CHUK: variants seen among roughly 807,000 people sequenced by gnomAD.
CHUK encodes the protein inhibitor of nuclear factor kappa-B kinase subunit alpha.
In CHUK, 35 loss-of-function variants were observed where a neutral mutation model predicts 104.8. That is an observed-to-expected ratio of 0.33 (90% confidence interval 0.26 to 0.44). The LOEUF is 0.44. CHUK is among the 20% of genes least tolerant of loss of function. The pLI is 1.00. For missense variants in CHUK, 663 were observed against 902.7 expected, an observed-to-expected ratio of 0.73 and a Z score of 3.40; for synonymous variants, 276 against 291.9, an observed-to-expected ratio of 0.95 and a Z score of 0.56.
chr10:100,193,562 A>C, intron 18 of CHUK, 131 bp from the exon 19 acceptor site: 1 of 1,086,066 alleles, frequency 9.2e-7, no homozygotes, highest in Non-Finnish European at 1.4e-6. Flanking sequence ...ATTTCAGTAC[A>C]AAACTATTCC....
chr10:100,204,419 AAAC>A (rs1845541313), intron 13 of CHUK, 84 bp downstream of exon 13: 2 of 1,075,570 alleles, frequency 1.9e-6, no homozygotes, highest in Non-Finnish European at 2.9e-6. Context: ...AAGGTAAGTA[AAAC>A]AACTGGCTGA....
chr10:100,225,450 A>G (rs942874384), intron 2 of CHUK, among the ~76,000 whole-genome samples: 1 of 152,196 alleles, frequency 6.6e-6, no homozygotes, highest in African/African-American at 2.4e-5. Context: ...TTAAGGCTGC[A>G]TGATATTCCG....
At position 100,218,844 on chromosome 10, in the gene CHUK, C is replaced by A; in HGVS notation, c.690-19G>T. 6.3e-7 allele frequency: 1 copy of A among 1,581,348 alleles called. No homozygotes were observed. Among genetic ancestry groups the A allele is most frequent in the Non-Finnish European group, 8.7e-7 (1 of 1,150,346 alleles). On this transcript the variant is annotated intron_variant, in intron 7 of 20. Transcript: ENST00000370397. ...CTCATGCCTATAAAATCAAAAGCTA[C>A]CTCAGTTGACAAAGTGATTCTCACA...
intron 9 of CHUK, among the ~76,000 whole-genome samples, chr10:100,213,503 A>AAC (rs146536701): frequency 6.6e-6 from 1 of 151,268 alleles, no homozygotes; most frequent in African/African-American, 2.4e-5. Context: ...AAAAAAAAAA[A>AAC]TTAAAAGCGT....
chr10:100,227,647 C>A (rs17882749), intron 1 of CHUK, among the ~76,000 whole-genome samples: 174 of 152,126 alleles, frequency 1.1e-3, no homozygotes, highest in African/African-American at 4.0e-3. Context: ...TAGTCCTTCA[C>A]CTTCCATTCT....
intron 9 of CHUK, among the ~76,000 whole-genome samples, chr10:100,214,462 G>A (rs1277334156): frequency 2.0e-5 from 3 of 152,166 alleles, no homozygotes; most frequent in Admixed American, 2.0e-4. Flanking sequence ...GTAGGAAGCA[G>A]GCACTTCATA....
intron 9 of CHUK, among the ~76,000 whole-genome samples, chr10:100,210,424 G>A (rs998921416): frequency 2.6e-5 from 4 of 152,090 alleles, no homozygotes; most frequent in East Asian, 1.9e-4. Context: ...ATCATAGACC[G>A]AAAAGGAAAC....
chr10:100,191,480 C>T (rs1025813478), intron 19 of CHUK, among the ~76,000 whole-genome samples: 2 of 152,100 alleles, frequency 1.3e-5, no homozygotes, highest in East Asian at 1.9e-4. Flanking sequence ...AGCAATGAAA[C>T]GAAACAAGCA....
chr10:100,223,350 C>G (rs1167893389), intron 2 of CHUK, among the ~76,000 whole-genome samples: 1 of 152,132 alleles, frequency 6.6e-6, no homozygotes, highest in Non-Finnish European at 1.5e-5. Flanking sequence ...TAAGTCAAAT[C>G]TGGCGTTCTA....
chr10:100,209,555 A>T (rs1156312699), intron 10 of CHUK, 40 bp downstream of exon 10: 1 of 1,274,932 alleles, frequency 7.8e-7, no homozygotes, highest in East Asian at 2.3e-5. Context: ...ATCCCTCTAG[A>T]TTTCACATAC....
intron 17 of CHUK, 51 bp downstream of exon 17, chr10:100,194,374 C>T: frequency 1.5e-6 from 2 of 1,336,226 alleles, no homozygotes; most frequent in Non-Finnish European, 2.2e-6. Flanking sequence ...TTGAGAGGAA[C>T]AAGATAAACG....
chr10:100,221,915 C>T (rs559838904), intron 4 of CHUK, among the ~76,000 whole-genome samples, 197 bp downstream of exon 4: 1 of 152,280 alleles, frequency 6.6e-6, no homozygotes, highest in South Asian at 2.1e-4. Context: ...GGATTACAGG[C>T]GTGAGCCACC....
chr10:100,214,558 G>A (rs1589592718), intron 9 of CHUK, among the ~76,000 whole-genome samples: 1 of 152,328 alleles, frequency 6.6e-6, no homozygotes, highest in Middle Eastern at 3.4e-3. Context: ...AGAAAACAAG[G>A]TGAGCAGAAG....
chr10:100,228,993 GCACACACACA>G (rs59218517), intron 1 of CHUK, among the ~76,000 whole-genome samples: 13 of 133,464 alleles, frequency 9.7e-5, no homozygotes, highest in Admixed American at 5.7e-4. Flanking sequence ...GCGCGCGCGC[GCACACACACA>G]CACACACACA....
At chr10:100,222,777 T>C (rs1846019813) in intron 3 of CHUK, 89 bp downstream of exon 3, 1 of 749,894 alleles carries the variant, frequency 1.3e-6, no homozygotes. Flanking sequence ...GTTTTTCCGA[T>C]TCTTATTCTA....
Position 100,194,102 on chromosome 10 carries a change from A to G in CHUK, c.1856T>C (p.Ile619Thr), listed in dbSNP as rs1845268469. 5.6e-6 allele frequency: 9 copies of G among 1,613,646 alleles called. No homozygotes were observed. The highest frequency in any genetic ancestry group is 1.3e-5 in the African/African-American group (1 of 74,904). ...SKLLGCKQKI[I>T]DLLPKVEVAL... The stretch of plus-strand genomic sequence containing the variant: ...CACTTCCACCTTAGGGAGTAGATCA[A>G]TAATCTTCTGCTTACAGCCCAACAA... The change falls in exon 18 of 21, where the codon ATT becomes ACT. Residue 619 changes from isoleucine (I) to threonine (T), a missense_variant. Coordinates refer to ENST00000370397, the MANE Select transcript of CHUK (RefSeq NM_001278.5).
At chr10:100,202,352 T>G (rs1845483176) in intron 13 of CHUK, among the ~76,000 whole-genome samples, 1 of 152,200 alleles carries the variant, frequency 6.6e-6, no homozygotes, top group Non-Finnish European at 1.5e-5. Context: ...ATCAGATAAA[T>G]TAATACTCAT....
intron 9 of CHUK, among the ~76,000 whole-genome samples, chr10:100,210,091 A>T (rs2198193): frequency 0.18 from 22,058 of 121,230 alleles, 1,851 homozygotes; most frequent in Admixed American, 0.22. Context: ...TTATTTATTT[A>T]TTTTTTTTTT....
At position 100,204,555 on chromosome 10, in the gene CHUK, G is replaced by A. The variant is rs17880383; in HGVS notation, c.1458C>T (p.Ser486=). The A allele has an allele frequency of 0.051, 82,686 of 1,612,768 alleles. 2,576 individuals carry two copies. The highest frequency in any genetic ancestry group is 0.12 in the Middle Eastern group (751 of 6,050). The change falls in exon 13 of 21, where the codon AGC becomes AGT. Residue 486 remains serine, a synonymous_variant. Transcript: ENST00000370397. ...LKAKLEFFHK[S]IQLDLERYSE... is the part of the protein sequence containing the mutation. ...TGTATCTCTCCAAGTCAAGCTGAAT[G>A]CTTTTGTGAAAAAACTCCAATTTAG...
Sources: allele counts gnomAD v4.1 joint callset (sites outside exome capture counted in the v4.1 genomes callset), GRCh38; gene constraint gnomAD v4.1.1; transcripts MANE v1.5; gene names NCBI Gene and HGNC (gene_info 2026-07-23, HGNC 2026-07-21).